CSMD1: variants seen among roughly 807,000 people sequenced by gnomAD.
CSMD1 encodes the protein CUB and Sushi multiple domains 1.
Under a neutral mutation model 417.5 loss-of-function variants are expected in CSMD1, and 213 were observed. The observed-to-expected ratio is 0.51, with a 90% CI of 0.46 to 0.57. CSMD1 has a LOEUF of 0.57. Ranked by LOEUF, CSMD1 falls within the 20% of genes least tolerant of loss-of-function variation. CSMD1 has a pLI of 0.00. For missense variants in CSMD1, 6,923 were observed against 4,529.7 expected, an observed-to-expected ratio of 1.53 and a Z score of -15.17; for synonymous variants, 2,862 against 1,736.8, an observed-to-expected ratio of 1.65 and a Z score of -16.11.
intron 1 of CSMD1, among the ~76,000 whole-genome samples, chr8:4,666,931 C>T (rs1434214246): frequency 6.6e-6 from 1 of 151,970 alleles, no homozygotes; most frequent in Non-Finnish European, 1.5e-5. Context: ...AAGTTCTTTG[C>T]CTCAATTTGT....
At chr8:3,627,703 T>TG (rs1796564020) in intron 7 of CSMD1, among the ~76,000 whole-genome samples, 1 of 152,182 alleles carries the variant, frequency 6.6e-6, no homozygotes. Context: ...TTTTTATGTA[T>TG]TACATAATTT....
intron 30 of CSMD1, among the ~76,000 whole-genome samples, chr8:3,206,523 G>T (rs1465264070): frequency 7.2e-6 from 1 of 138,650 alleles, no homozygotes; most frequent in Non-Finnish European, 1.5e-5. Flanking sequence ...GTATGTCTGC[G>T]TGTGTATGTA....
chr8:3,419,895 T>C (rs1347287930), intron 12 of CSMD1, among the ~76,000 whole-genome samples: 1 of 152,168 alleles, frequency 6.6e-6, no homozygotes, highest in Non-Finnish European at 1.5e-5. Flanking sequence ...ATAGATCCTG[T>C]TTTAGATGGA....
At chr8:3,510,469 TATC>T (rs1563107453) in intron 10 of CSMD1, among the ~76,000 whole-genome samples, 1 of 151,820 alleles carries the variant, frequency 6.6e-6, no homozygotes, top group Non-Finnish European at 1.5e-5. Flanking sequence ...TCACCCTCAA[TATC>T]ATCTTACAGG....
chr8:3,526,006 G>A (rs576230387), intron 10 of CSMD1, among the ~76,000 whole-genome samples: 1 of 151,994 alleles, frequency 6.6e-6, no homozygotes, highest in African/African-American at 2.4e-5. Context: ...AGCAAACATG[G>A]GATGGAGCTT....
intron 12 of CSMD1, among the ~76,000 whole-genome samples, chr8:3,439,039 C>G (rs1814762331): frequency 7.6e-6 from 1 of 131,058 alleles, no homozygotes. Flanking sequence ...GGGAGAATTG[C>G]TTCAATCTGG....
At chr8:4,094,872 T>C (rs1232493274) in intron 3 of CSMD1, among the ~76,000 whole-genome samples, 1 of 152,148 alleles carries the variant, frequency 6.6e-6, no homozygotes, top group African/African-American at 2.4e-5. Context: ...TGGGGCATAT[T>C]GTGTATGTTA....
intron 3 of CSMD1, among the ~76,000 whole-genome samples, chr8:4,075,290 T>G (rs753766007): frequency 6.6e-6 from 1 of 152,154 alleles, no homozygotes; most frequent in Admixed American, 6.5e-5. Context: ...ATTGTTGATA[T>G]ATGTTTATGT....
intron 12 of CSMD1, among the ~76,000 whole-genome samples, chr8:3,446,634 C>A (rs1244469229): frequency 6.6e-6 from 1 of 152,112 alleles, no homozygotes; most frequent in African/African-American, 2.4e-5. Context: ...AAAAGAAACG[C>A]TGTTTGGGGA....
chr8:3,207,396 G>A (rs1025578853), intron 30 of CSMD1, among the ~76,000 whole-genome samples: 1 of 151,602 alleles, frequency 6.6e-6, no homozygotes, highest in Non-Finnish European at 1.5e-5. Flanking sequence ...GCATGGCTCA[G>A]CCTCCCAAAG....
intron 5 of CSMD1, among the ~76,000 whole-genome samples, chr8:3,916,995 C>T (rs917255716): frequency 6.6e-6 from 1 of 152,172 alleles, no homozygotes; most frequent in Admixed American, 6.5e-5. Context: ...TGAAACTCCA[C>T]TGCCCTATGA....
intron 3 of CSMD1, among the ~76,000 whole-genome samples, chr8:4,180,935 C>T (rs1370158077): frequency 6.6e-6 from 1 of 151,964 alleles, no homozygotes; most frequent in Non-Finnish European, 1.5e-5. Flanking sequence ...CAAAATTGCC[C>T]CACTCTGTTA....
At chr8:3,976,370 A>T (rs749152632) in intron 5 of CSMD1, among the ~76,000 whole-genome samples, 2 of 152,216 alleles carry the variant, frequency 1.3e-5, no homozygotes, top group Non-Finnish European at 2.9e-5. Flanking sequence ...ACGTTGATGA[A>T]GATTCCTGAA....
In CSMD1 at chr8:4,994,349, A is replaced by G. The variant is rs1399432266; in HGVS notation, c.68T>C (p.Leu23Pro). 1.2e-6 allele frequency: 2 copies of G among 1,611,184 alleles called. No individual in the cohort carries two copies. Among genetic ancestry groups the G allele is most frequent in the Non-Finnish European group, 8.5e-7 (1 of 1,179,798 alleles). ...CGTCTTACCCTTCGCTGCAGTGAGG[A>G]GCCTCGCGCACAGCACCAGCAGCCC... ...LLGLLVLCAR[L>P]LTAAKGQNCG... The change falls in exon 1 of 70, where the codon CTC becomes CCC. Residue 23 changes from leucine (L) to proline (P), a missense_variant. Physicochemically the swap from Leu to Pro is moderately conservative, Grantham distance 98. Transcript: ENST00000635120.
rs76215900 is a variant in CSMD1, at chr8:4,721,356, C to A, written c.86-83798G>T. ...GAACAATCTCTTTTTATTCTACTGCCTAGTGATAGACAAGTATAAACTAAG... is the reference window on the plus strand; with the variant it reads ...GAACAATCTCTTTTTATTCTACTGCATAGTGATAGACAAGTATAAACTAAG... On this transcript the variant is annotated intron_variant, in intron 1 of 69. Transcript: ENST00000635120. Among the ~76,000 whole-genome samples, 3 of 152,120 alleles carry A rather than the reference C, an allele frequency of 2.0e-5. No individual in the cohort carries two copies. In the East Asian group the frequency reaches 5.8e-4, roughly 29 times the overall value.
chr8:4,593,246 C>T (rs920476507), intron 2 of CSMD1, among the ~76,000 whole-genome samples: 8 of 152,184 alleles, frequency 5.3e-5, no homozygotes, highest in African/African-American at 1.9e-4. Context: ...AATGGAATTT[C>T]CGCAGGAACA....
chr8:3,659,051 A>G (rs1002540957), intron 7 of CSMD1, among the ~76,000 whole-genome samples: 1 of 152,192 alleles, frequency 6.6e-6, no homozygotes, highest in African/African-American at 2.4e-5. Flanking sequence ...GCGCCATTGC[A>G]TCTACTTGAA....
intron 2 of CSMD1, among the ~76,000 whole-genome samples, chr8:4,453,962 C>T (rs1191119180): frequency 6.6e-6 from 1 of 151,586 alleles, no homozygotes; most frequent in East Asian, 2.0e-4. Context: ...GCTGGGACTA[C>T]AGGCGCCCGC....
At chr8:4,319,538 G>C (rs762413065) in intron 3 of CSMD1, among the ~76,000 whole-genome samples, 2 of 151,986 alleles carry the variant, frequency 1.3e-5, no homozygotes, top group Non-Finnish European at 2.9e-5. Context: ...AACAAACAAA[G>C]TCACAGAAAT....
Sources: gnomAD v4.1 joint callset for allele counts (sites outside exome capture counted in the v4.1 genomes callset) on GRCh38, gnomAD v4.1.1 for gene constraint, MANE v1.5 for transcripts, NCBI Gene and HGNC (gene_info 2026-07-23, HGNC 2026-07-21) for gene names.